Variants in GNA12 observed in about 807,000 individuals in gnomAD.
GNA12 encodes guanine nucleotide-binding protein subunit alpha-12.
GNA12 carries 9 observed loss-of-function variants against 26.0 expected under a neutral mutation model. That is an observed-to-expected ratio of 0.35 (90% confidence interval 0.21 to 0.60). The LOEUF is 0.60. Ranked by LOEUF, GNA12 falls within the 20% of genes least tolerant of loss-of-function variation. The pLI, the probability that GNA12 is intolerant of heterozygous loss-of-function variation, is 0.78. For missense variants in GNA12, 405 were observed against 525.8 expected (o/e 0.77, Z 2.25); for synonymous variants, 264 against 219.6 (o/e 1.20, Z -1.79).
In GNA12 at chr7:2,731,117, C is replaced by A. The variant is rs573112084; in HGVS notation, c.*64G>T. 2 of 1,116,278 alleles carry A rather than the reference C, an allele frequency of 1.8e-6. No homozygotes were observed. The highest frequency in any genetic ancestry group is 3.1e-5 in the African/African-American group (2 of 65,102). The allele number at this position is 1,116,278 out of a possible 1,614,324, so 69.1% of individuals were successfully genotyped here. A position where few individuals can be genotyped will look rare whatever the true frequency, so the allele number is the denominator to read the frequency against. On this transcript the variant is annotated 3_prime_UTR_variant, in exon 4 of 4. Coordinates refer to ENST00000275364, the MANE Select transcript of GNA12 (RefSeq NM_007353.3). This position sits in a 1 kb window ranked among gnomAD's most constrained non-coding sequence, Gnocchi z 6.0. ...TCAAGGACCACACAGACAACACACA[C>A]CCAAGAGTCTGACCGACAGCCGTGG...
At chr7:2,736,895 G>T (rs1790209664) in intron 2 of GNA12, among the ~76,000 whole-genome samples, 1 of 152,200 alleles carries the variant, frequency 6.6e-6, no homozygotes, top group South Asian at 2.1e-4. Context: ...AGGACCACGA[G>T]AAAAGAGCTT....
intron 2 of GNA12, among the ~76,000 whole-genome samples, chr7:2,746,569 A>G (rs914516651): frequency 4.6e-5 from 7 of 152,220 alleles, no homozygotes; most frequent in Admixed American, 3.9e-4. Context: ...GAAAGCAGGA[A>G]AAATCTAAAA....
At chr7:2,810,901 A>AAAG (rs1793065186) in intron 1 of GNA12, among the ~76,000 whole-genome samples, 1 of 149,790 alleles carries the variant, frequency 6.7e-6, no homozygotes, top group Non-Finnish European at 1.5e-5. Flanking sequence ...TCTGTCTTAA[A>AAAG]AAAGAAAGAA....
intron 2 of GNA12, among the ~76,000 whole-genome samples, chr7:2,775,969 G>T (rs551764751): frequency 2.0e-5 from 3 of 152,374 alleles, no homozygotes. Context: ...AGAAACTGCC[G>T]GTGGCTATGG....
At chr7:2,750,565 G>C (rs1790985033) in intron 2 of GNA12, among the ~76,000 whole-genome samples, 1 of 152,176 alleles carries the variant, frequency 6.6e-6, no homozygotes, top group African/African-American at 2.4e-5. Flanking sequence ...CAGAACAATT[G>C]TAACAACACA....
chr7:2,775,091 T>C (rs1583270892), intron 2 of GNA12, among the ~76,000 whole-genome samples: 1 of 152,178 alleles, frequency 6.6e-6, no homozygotes, highest in Non-Finnish European at 1.5e-5. Flanking sequence ...ATCTTTCAAG[T>C]TTTTGGATAG....
chr7:2,765,958 AAAAAGTGT>A (rs1791790279), intron 2 of GNA12, among the ~76,000 whole-genome samples: 1 of 147,754 alleles, frequency 6.8e-6, no homozygotes, highest in Admixed American at 7.0e-5. Flanking sequence ...CCACTTTTTT[AAAAAGTGT>A]AGTAAAAAAC....
Position 2,831,274 on chromosome 7 carries a change from C to T in GNA12, c.309+12579G>A, listed in dbSNP as rs1793599797. On this transcript the variant is annotated intron_variant, in intron 1 of 3. Coordinates refer to ENST00000275364, the MANE Select transcript of GNA12 (RefSeq NM_007353.3). The stretch of plus-strand genomic sequence containing the variant: ...CAGCTCATCTCCCAGGGAGTTTTGC[C>T]TCCTGGTCCACATCACTCCATACTT... Among the ~76,000 whole-genome samples the T allele has an allele frequency of 2.6e-5, 4 of 152,070 alleles. No individual in the cohort carries two copies. In the South Asian group the frequency reaches 8.3e-4, roughly 32 times the overall value.
At position 2,830,816 on chromosome 7, in the gene GNA12, C is replaced by G. The variant is rs567516664; in HGVS notation, c.309+13037G>C. Among the ~76,000 whole-genome samples, 3 of 152,238 alleles carry G rather than the reference C, an allele frequency of 2.0e-5. No individual in the cohort carries two copies. The East Asian group carries it at 5.8e-4, about 29-fold the overall frequency. ...GCCAAGTGGGCTATGGCGGTGTGCA[C>G]CTGTGTCCTAGCTACCCAGGAGGCT... On this transcript the variant is annotated intron_variant, in intron 1 of 3. Coordinates refer to ENST00000275364, the MANE Select transcript of GNA12 (RefSeq NM_007353.3).
chr7:2,798,119 A>G (rs1324778103), intron 1 of GNA12, among the ~76,000 whole-genome samples: 2 of 152,046 alleles, frequency 1.3e-5, no homozygotes, highest in Non-Finnish European at 1.5e-5. Context: ...GCTATTCAAC[A>G]TGGTTCTGGA....
intron 2 of GNA12, among the ~76,000 whole-genome samples, chr7:2,755,373 T>G (rs1791245064): frequency 2.0e-5 from 3 of 152,176 alleles, no homozygotes; most frequent in African/African-American, 7.2e-5. Context: ...CAGCACTGAG[T>G]TTTCCATGAA....
chr7:2,746,631 A>T (rs1790775408), intron 2 of GNA12, among the ~76,000 whole-genome samples: 1 of 152,214 alleles, frequency 6.6e-6, no homozygotes, highest in African/African-American at 2.4e-5. Context: ...GAACAAACAC[A>T]TTCAAAAGCC....
intron 2 of GNA12, among the ~76,000 whole-genome samples, chr7:2,754,606 GGTATA>G (rs1178097868): frequency 6.6e-6 from 1 of 151,838 alleles, no homozygotes; most frequent in Admixed American, 6.6e-5. Flanking sequence ...AAATTAGCCA[GGTATA>G]GTGTTGCGTT....
Position 2,731,801 on chromosome 7 carries a change from A to G in GNA12, c.577-51T>C. On this transcript the variant is annotated intron_variant, in intron 3 of 3. Coordinates refer to ENST00000275364, the MANE Select transcript of GNA12 (RefSeq NM_007353.3). The surrounding 1 kb of genome is among the most constrained non-coding windows in gnomAD (Gnocchi z 6.0). The stretch of plus-strand genomic sequence containing the variant: ...ATTTAGGGGGAGGAAGAAAGAACAG[A>G]GAAAATAGAAACAAAAAGATGGCAA... 1.1e-6 allele frequency: 1 copy of G among 948,364 alleles called. No homozygotes were observed. Among genetic ancestry groups the G allele is most frequent in the Non-Finnish European group, 1.5e-6 (1 of 661,238 alleles). 58.7% of individuals were successfully genotyped at this position (948,364 alleles called of 1,614,324 possible).
intron 2 of GNA12, among the ~76,000 whole-genome samples, chr7:2,753,101 T>G (rs1246767163): frequency 6.6e-6 from 1 of 152,178 alleles, no homozygotes; most frequent in African/African-American, 2.4e-5. Context: ...TTTCTGTTCC[T>G]ATAGTTTTGC....
At chr7:2,824,063 T>G (rs1222679624) in intron 1 of GNA12, among the ~76,000 whole-genome samples, 2 of 152,224 alleles carry the variant, frequency 1.3e-5, no homozygotes, top group Non-Finnish European at 2.9e-5. Context: ...CATGTCTGCC[T>G]GTCTCAAAAA....
chr7:2,741,211 G>A (rs142468808), intron 2 of GNA12, among the ~76,000 whole-genome samples: 1 of 152,150 alleles, frequency 6.6e-6, no homozygotes, highest in Non-Finnish European at 1.5e-5. Context: ...ACCTAGACTA[G>A]GTGTGGCGGC....
chr7:2,817,867 T>C (rs1401340521), intron 1 of GNA12, among the ~76,000 whole-genome samples: 1 of 152,252 alleles, frequency 6.6e-6, no homozygotes, highest in African/African-American at 2.4e-5. Context: ...CATCTCCTCC[T>C]TCCATTCCTC....
At chr7:2,804,609 G>T (rs1293772039) in intron 1 of GNA12, among the ~76,000 whole-genome samples, 1 of 152,194 alleles carries the variant, frequency 6.6e-6, no homozygotes, top group African/African-American at 2.4e-5. Context: ...GTGTGAGGAG[G>T]TGTGAGAAAA....
Sources: allele counts gnomAD v4.1 joint callset (sites outside exome capture counted in the v4.1 genomes callset), GRCh38; gene constraint gnomAD v4.1.1; non-coding constraint Gnocchi (gnomAD v3.1); transcripts MANE v1.5; gene names NCBI Gene and HGNC (gene_info 2026-07-23, HGNC 2026-07-21).